Variants in CSMD3 observed in about 807,000 individuals in gnomAD.
The protein encoded by CSMD3 is CUB and sushi domain-containing protein 3.
Under a neutral mutation model 435.2 loss-of-function variants are expected in CSMD3, and 177 were observed. That is an observed-to-expected ratio of 0.41 (90% CI 0.36 to 0.46). The LOEUF (loss-of-function observed/expected upper bound fraction) is 0.46, where lower values mean the gene tolerates loss of function less well. Among genes scored for constraint, CSMD3 ranks in the 20% least tolerant of loss-of-function variants. The pLI, the probability that CSMD3 is intolerant of heterozygous loss-of-function variation, is 0.34. For missense variants in CSMD3, 4,265 were observed against 4,504.6 expected, an observed-to-expected ratio of 0.95 and a Z score of 1.52; for synonymous variants, 1,656 against 1,520.5, an observed-to-expected ratio of 1.09 and a Z score of -2.07.
At chr8:113,023,572 G>A (rs953575626) in intron 5 of CSMD3, among the ~76,000 whole-genome samples, 21 of 152,008 alleles carry the variant, frequency 1.4e-4, no homozygotes, top group Admixed American at 6.6e-4. Context: ...GCTGCTATTA[G>A]TTGCTCAAAT....
At chr8:112,824,502 G>T (rs1268897407) in intron 12 of CSMD3, among the ~76,000 whole-genome samples, 1 of 152,134 alleles carries the variant, frequency 6.6e-6, no homozygotes. Flanking sequence ...AGGTATGATG[G>T]TGACAAAATC....
chr8:113,238,240 C>T (rs1219055506), intron 3 of CSMD3, among the ~76,000 whole-genome samples: 2 of 152,090 alleles, frequency 1.3e-5, no homozygotes, highest in Non-Finnish European at 2.9e-5. Flanking sequence ...GGTTAGATAG[C>T]TGAACCATCA....
chr8:113,265,703 G>T (rs1450748451), intron 3 of CSMD3, among the ~76,000 whole-genome samples: 1 of 151,490 alleles, frequency 6.6e-6, no homozygotes, highest in Non-Finnish European at 1.5e-5. Flanking sequence ...ATAATAAACT[G>T]ATTTGTGTTA....
At chr8:113,001,782 G>A (rs905672503) in intron 6 of CSMD3, among the ~76,000 whole-genome samples, 3 of 151,856 alleles carry the variant, frequency 2.0e-5, no homozygotes, top group Admixed American at 6.6e-5. Flanking sequence ...GATGTTATTC[G>A]AGGACCTGCT....
At chr8:112,405,226 T>TATATATATATATATAC (rs1831717084) in intron 35 of CSMD3, among the ~76,000 whole-genome samples, 1 of 96,018 alleles carries the variant, frequency 1.0e-5, no homozygotes, top group East Asian at 2.9e-4. Context: ...TATATATATA[T>TATATATATATATATAC]ATATATATAT....
chr8:112,249,117 T>A (rs763561820), intron 63 of CSMD3, among the ~76,000 whole-genome samples: 1 of 152,104 alleles, frequency 6.6e-6, no homozygotes, highest in Non-Finnish European at 1.5e-5. Flanking sequence ...ATCCATCATC[T>A]CTATCAATCC....
At chr8:113,104,106 G>A (rs939432804) in intron 4 of CSMD3, among the ~76,000 whole-genome samples, 3 of 152,030 alleles carry the variant, frequency 2.0e-5, no homozygotes, top group Non-Finnish European at 4.4e-5. Context: ...CTCATACTAT[G>A]CTCTACCTTG....
intron 38 of CSMD3, among the ~76,000 whole-genome samples, chr8:112,353,802 A>G (rs1005515839): frequency 6.6e-6 from 1 of 152,162 alleles, no homozygotes; most frequent in African/African-American, 2.4e-5. Context: ...ATTTACCAAA[A>G]CTTACAAAAA....
chr8:112,429,620 G>T (rs1329533408), intron 32 of CSMD3, among the ~76,000 whole-genome samples: 1 of 151,836 alleles, frequency 6.6e-6, no homozygotes, highest in Non-Finnish European at 1.5e-5. Flanking sequence ...ACTTTAAATG[G>T]CTCCTCCTAC....
chr8:112,859,435 C>T (rs190089702), intron 10 of CSMD3, among the ~76,000 whole-genome samples, 169 bp from the exon 11 acceptor site: 1 of 151,642 alleles, frequency 6.6e-6, no homozygotes, highest in African/African-American at 2.4e-5. Flanking sequence ...GTTTTTAACA[C>T]CCTGGGATTC....
intron 11 of CSMD3, 91 bp downstream of exon 11, chr8:112,859,054 A>T (rs2129852278): frequency 8.0e-7 from 1 of 1,244,372 alleles, no homozygotes; most frequent in Non-Finnish European, 1.2e-6. Flanking sequence ...TTGAGTTATA[A>T]ATTTTCCATA....
chr8:112,318,794 G>GCAAATATT (rs1283558638), intron 47 of CSMD3, 43 bp downstream of exon 47: 1 of 1,310,942 alleles, frequency 7.6e-7, no homozygotes, highest in African/African-American at 1.5e-5. Context: ...TAAACATAAA[G>GCAAATATT]CAAATATTTA....
At chr8:113,053,506 T>G (rs1182078221) in intron 5 of CSMD3, among the ~76,000 whole-genome samples, 1 of 152,078 alleles carries the variant, frequency 6.6e-6, no homozygotes, top group Admixed American at 6.6e-5. Context: ...TTGCTGACCT[T>G]TGATCCATGA....
chr8:112,590,072 T>C (rs1325976048), intron 22 of CSMD3, among the ~76,000 whole-genome samples: 1 of 152,142 alleles, frequency 6.6e-6, no homozygotes, highest in Non-Finnish European at 1.5e-5. Context: ...GAATGTACTG[T>C]AAGATATTTG....
At chr8:113,271,819 C>A (rs910324329) in intron 3 of CSMD3, among the ~76,000 whole-genome samples, 8 of 152,142 alleles carry the variant, frequency 5.3e-5, no homozygotes, top group African/African-American at 1.9e-4. Flanking sequence ...GGAAAAGCTG[C>A]AGACCCTCAA....
At chr8:112,616,176 A>G (rs894079357) in intron 22 of CSMD3, among the ~76,000 whole-genome samples, 1 of 152,150 alleles carries the variant, frequency 6.6e-6, no homozygotes, top group Admixed American at 6.6e-5. Flanking sequence ...GTATAATTAC[A>G]GTGCCAAATT....
intron 10 of CSMD3, among the ~76,000 whole-genome samples, chr8:112,868,778 A>C (rs566313194): frequency 2.6e-5 from 4 of 152,322 alleles, no homozygotes; most frequent in African/African-American, 9.6e-5. Context: ...TAGTCTCTTC[A>C]ACAAGTGGTG....
At chr8:113,267,994 A>C (rs2093486388) in intron 3 of CSMD3, among the ~76,000 whole-genome samples, 1 of 151,768 alleles carries the variant, frequency 6.6e-6, no homozygotes, top group African/African-American at 2.4e-5. Context: ...TTACATATAC[A>C]TATACATTCC....
intron 22 of CSMD3, among the ~76,000 whole-genome samples, chr8:112,631,437 C>A (rs1379382716): frequency 6.6e-6 from 1 of 152,050 alleles, no homozygotes; most frequent in Non-Finnish European, 1.5e-5. Flanking sequence ...AGTCTTCTAA[C>A]TTGAAAATTG....
Sources: gnomAD v4.1 joint callset for allele counts (sites outside exome capture counted in the v4.1 genomes callset) on GRCh38, gnomAD v4.1.1 for gene constraint, MANE v1.5 for transcripts, NCBI Gene and HGNC (gene_info 2026-07-23, HGNC 2026-07-21) for gene names.